The following ERC2 variants were observed in gnomAD, a reference collection of about 807,000 sequenced individuals.
The protein encoded by ERC2 is ELKS/RAB6-interacting/CAST family member 2.
Under a neutral mutation model 114.8 loss-of-function variants are expected in ERC2, and 42 were observed. That is an observed-to-expected ratio of 0.37 (90% CI 0.29 to 0.47). The LOEUF (loss-of-function observed/expected upper bound fraction) is 0.47, where lower values mean the gene tolerates loss of function less well. Ranked by LOEUF, ERC2 falls within the 20% of genes least tolerant of loss-of-function variation. The probability of loss-of-function intolerance (pLI) is 0.99; values close to 1 mark genes in which losing one functional copy is unlikely to be tolerated. For synonymous variants in ERC2, 454 were observed against 425.5 expected (o/e 1.07, Z -0.82); for missense variants, 939 against 1,150.7 (o/e 0.82, Z 2.66).
At position 55,781,716 on chromosome 3, in the gene ERC2, C is replaced by CA. The variant is rs529747251; in HGVS notation, c.2565-46799dup. Among the ~76,000 whole-genome samples the CA allele has an allele frequency of 2.5e-4, 38 of 151,554 alleles. No homozygotes were observed. The East Asian group carries it at 6.2e-3, about 25-fold the overall frequency. On this transcript the variant is annotated intron_variant, in intron 14 of 17. Transcript: ENST00000288221. ...TGAAACCCTGTCTCTACTAAAAATA[C>CA]AAAAAATTAGCTGGGTGATGTGGCC...
chr3:56,085,136 G>T (rs933194247), intron 6 of ERC2, among the ~76,000 whole-genome samples: 1 of 152,188 alleles, frequency 6.6e-6, no homozygotes, highest in East Asian at 1.9e-4. Context: ...GGTAGAATGC[G>T]TCAGGGAAGG....
intron 17 of ERC2, among the ~76,000 whole-genome samples, chr3:55,575,765 T>G (rs528230134): frequency 1.7e-3 from 254 of 152,256 alleles, no homozygotes; most frequent in African/African-American, 6.0e-3. Context: ...ACCCCCTGGC[T>G]GAAACAGTAC....
chr3:56,414,474 G>A (rs961409993), intron 2 of ERC2, among the ~76,000 whole-genome samples: 5 of 152,074 alleles, frequency 3.3e-5, no homozygotes, highest in Admixed American at 6.5e-5. Flanking sequence ...TGTAATCCCC[G>A]CACTTTGGGA....
At chr3:55,979,928 G>A (rs1162540225) in intron 12 of ERC2, among the ~76,000 whole-genome samples, 1 of 151,554 alleles carries the variant, frequency 6.6e-6, no homozygotes, top group African/African-American at 2.4e-5. Flanking sequence ...GGGAAACAGA[G>A]CGAGACCCTA....
intron 3 of ERC2, among the ~76,000 whole-genome samples, chr3:56,291,327 C>T (rs529171780): frequency 5.3e-5 from 8 of 152,298 alleles, no homozygotes; most frequent in South Asian, 4.2e-4. Flanking sequence ...CTTTGGCTCA[C>T]ATTAGCACAT....
At chr3:55,761,679 G>A (rs1397754026) in intron 14 of ERC2, among the ~76,000 whole-genome samples, 1 of 152,042 alleles carries the variant, frequency 6.6e-6, no homozygotes, top group Non-Finnish European at 1.5e-5. Flanking sequence ...ACCTGGTGAG[G>A]GGTGATTGGA....
At chr3:55,976,189 C>G (rs536460270) in intron 12 of ERC2, among the ~76,000 whole-genome samples, 1 of 152,238 alleles carries the variant, frequency 6.6e-6, no homozygotes, top group South Asian at 2.1e-4. Context: ...ACAGGTGGGT[C>G]TCACCGAAAC....
At position 55,920,443 on chromosome 3, in the gene ERC2, CA is replaced by C. The variant is rs1424027961; in HGVS notation, c.2403+29981del. Among the ~76,000 whole-genome samples, 610 of 147,280 alleles carry C rather than the reference CA, an allele frequency of 4.1e-3. 3 individuals are homozygous for C. The highest frequency in any genetic ancestry group is 0.014 in the African/African-American group (570 of 40,038). ...ACACACACACACACACACACACACA[CA>C]CACCCCAAGTGAGAAGGATATTGCT... On this transcript the variant is annotated intron_variant, in intron 13 of 17. Coordinates refer to ENST00000288221, the MANE Select transcript of ERC2 (RefSeq NM_015576.3).
At chr3:55,684,085 A>G (rs577164246) in intron 16 of ERC2, among the ~76,000 whole-genome samples, 1 of 152,276 alleles carries the variant, frequency 6.6e-6, no homozygotes, top group South Asian at 2.1e-4. Flanking sequence ...ACACACAAAA[A>G]CATTCCACCC....
At chr3:56,218,464 G>A (rs2049656335) in intron 3 of ERC2, among the ~76,000 whole-genome samples, 1 of 152,166 alleles carries the variant, frequency 6.6e-6, no homozygotes, top group Non-Finnish European at 1.5e-5. Context: ...CAGTTAGAAT[G>A]GCGATCATTA....
intron 14 of ERC2, among the ~76,000 whole-genome samples, chr3:55,778,621 T>C (rs2068789984): frequency 1.3e-5 from 2 of 152,144 alleles, no homozygotes; most frequent in East Asian, 1.9e-4. Context: ...GTCAATTAGA[T>C]AAGCACATTT....
chr3:56,027,075 C>T (rs977059186), intron 7 of ERC2, among the ~76,000 whole-genome samples: 6 of 152,186 alleles, frequency 3.9e-5, no homozygotes, highest in African/African-American at 1.4e-4. Flanking sequence ...AGTATGTAAC[C>T]TGTGGGATTG....
chr3:56,090,156 C>T (rs1233841257), intron 6 of ERC2, among the ~76,000 whole-genome samples: 1 of 152,180 alleles, frequency 6.6e-6, no homozygotes, highest in African/African-American at 2.4e-5. Flanking sequence ...ACGTCAATCT[C>T]TAATTATAGC....
At chr3:55,546,401 A>T (rs904870440) in intron 17 of ERC2, among the ~76,000 whole-genome samples, 1 of 151,440 alleles carries the variant, frequency 6.6e-6, no homozygotes, top group East Asian at 1.9e-4. Flanking sequence ...CTGCACCCCC[A>T]CCCCTTCTCT....
Position 55,988,623 on chromosome 3 carries a change from T to C in ERC2, c.2256-2635A>G, listed in dbSNP as rs531329291. 5.3e-5 allele frequency among the ~76,000 whole-genome samples: 8 copies of C among 152,336 alleles called. 1 individual carries two copies. In the South Asian group the frequency reaches 1.7e-3, roughly 32 times the overall value. On this transcript the variant is annotated intron_variant, in intron 11 of 17. Transcript: ENST00000288221. ...TCCTAACCCTGTACCTTTTGTTGCA[T>C]ACAATTGAAGTTCTGGAATATTTTA...
At chr3:55,935,495 T>C (rs1328321351) in intron 13 of ERC2, among the ~76,000 whole-genome samples, 2 of 152,202 alleles carry the variant, frequency 1.3e-5, no homozygotes, top group Non-Finnish European at 2.9e-5. Flanking sequence ...ATCTGTCAAT[T>C]AGACAATGAA....
intron 17 of ERC2, among the ~76,000 whole-genome samples, chr3:55,611,184 A>G (rs537186844): frequency 3.3e-5 from 5 of 152,368 alleles, no homozygotes; most frequent in African/African-American, 1.2e-4. Flanking sequence ...TGCCAGCAGT[A>G]ATTAAGAGTG....
intron 12 of ERC2, among the ~76,000 whole-genome samples, chr3:55,982,473 TA>T (rs111375888): frequency 0.32 from 47,394 of 147,826 alleles, 8,347 homozygotes; most frequent in Middle Eastern, 0.41. Flanking sequence ...AAAAGAACAC[TA>T]AAAAAAAAAA....
chr3:56,186,638 A>T (rs1035451735), intron 3 of ERC2, among the ~76,000 whole-genome samples: 2 of 152,138 alleles, frequency 1.3e-5, no homozygotes, highest in African/African-American at 4.8e-5. Context: ...TCCTGGGTTC[A>T]GGTGATTCTC....
Sources: gnomAD v4.1 joint callset for allele counts (sites outside exome capture counted in the v4.1 genomes callset) on GRCh38, gnomAD v4.1.1 for gene constraint, MANE v1.5 for transcripts, NCBI Gene and HGNC (gene_info 2026-07-23, HGNC 2026-07-21) for gene names.